GAS7: variants seen among roughly 807,000 people sequenced by gnomAD.
GAS7 encodes growth arrest-specific protein 7.
GAS7 carries 28 observed loss-of-function variants against 71.1 expected under a neutral mutation model. That is an observed-to-expected ratio of 0.39 (90% CI 0.29 to 0.54). GAS7 has a LOEUF of 0.54. Ranked by LOEUF, GAS7 falls within the 20% of genes least tolerant of loss-of-function variation. GAS7 has a pLI of 0.62. For synonymous variants in GAS7, 258 were observed against 245.8 expected, an observed-to-expected ratio of 1.05 and a Z score of -0.46; for missense variants, 436 against 627.8, an observed-to-expected ratio of 0.69 and a Z score of 3.27.
At chr17:9,925,638 C>G (rs376279855) in intron 10 of GAS7, 39 bp from the exon 11 acceptor site, 2 of 1,612,720 alleles carry the variant, frequency 1.2e-6, no homozygotes, top group South Asian at 2.2e-5. Flanking sequence ...TCATACAGCT[C>G]GGAGCCAGTG....
At chr17:10,002,550 T>C (rs1415644514) in intron 2 of GAS7, among the ~76,000 whole-genome samples, 2 of 152,110 alleles carry the variant, frequency 1.3e-5, no homozygotes, top group African/African-American at 4.8e-5. Flanking sequence ...CCTAATGCTA[T>C]CCCTCCCCCG....
intron 11 of GAS7, among the ~76,000 whole-genome samples, chr17:9,923,741 C>T (rs2320264): frequency 0.39 from 59,744 of 152,058 alleles, 11,845 homozygotes; most frequent in Non-Finnish European, 0.42. Context: ...TCCATCAAGA[C>T]GAATAATACC....
Position 10,152,963 on chromosome 17 carries a change from C to T in GAS7, c.183+45245G>A, listed in dbSNP as rs1025049734. On this transcript the variant is annotated intron_variant, in intron 1 of 13. Coordinates refer to ENST00000432992, the MANE Select transcript of GAS7 (RefSeq NM_201433.2). ...CTGTAATACCCAGCACTTTGGGAGG[C>T]GGGTGGATTATCTGAGGTCAGGAAT... Among the ~76,000 whole-genome samples the T allele has an allele frequency of 6.2e-5, 9 of 144,002 alleles. No homozygotes were observed. The South Asian group carries it at 8.8e-4, about 14-fold the overall frequency. The allele number at this position is 144,002 out of a possible 152,430, so 94.5% of individuals were successfully genotyped here. A position where few individuals can be genotyped will look rare whatever the true frequency, so the allele number is the denominator to read the frequency against.
At chr17:10,032,604 A>T (rs1266739966) in intron 1 of GAS7, among the ~76,000 whole-genome samples, 1 of 152,246 alleles carries the variant, frequency 6.6e-6, no homozygotes, top group Non-Finnish European at 1.5e-5. Flanking sequence ...CGGCTTTTGT[A>T]ACACAGCCTA....
At chr17:9,960,590 G>T (rs2069446049) in intron 4 of GAS7, among the ~76,000 whole-genome samples, 1 of 152,224 alleles carries the variant, frequency 6.6e-6, no homozygotes. Flanking sequence ...GGAACCACCG[G>T]CTTGGAGTGG....
chr17:10,002,027 C>G (rs1005471760), intron 2 of GAS7, among the ~76,000 whole-genome samples: 4 of 152,116 alleles, frequency 2.6e-5, no homozygotes, highest in African/African-American at 9.7e-5. Flanking sequence ...CTAGCGGACA[C>G]GATACCACTG....
intron 4 of GAS7, among the ~76,000 whole-genome samples, chr17:9,963,793 A>G (rs553581325): frequency 1.7e-4 from 26 of 152,276 alleles, no homozygotes; most frequent in African/African-American, 6.0e-4. Flanking sequence ...TGGAGTGTAT[A>G]TATTAGGCGG....
At chr17:10,049,496 G>C (rs2073030260) in intron 1 of GAS7, among the ~76,000 whole-genome samples, 1 of 151,456 alleles carries the variant, frequency 6.6e-6, no homozygotes, top group Admixed American at 6.6e-5. Context: ...TTTGTATTGG[G>C]GGATTCTCCG....
chr17:10,017,472 G>T (rs1252179293), intron 2 of GAS7, among the ~76,000 whole-genome samples: 1 of 152,068 alleles, frequency 6.6e-6, no homozygotes, highest in African/African-American at 2.4e-5. Context: ...GGGACTACAG[G>T]CGCCCGCCAC....
At chr17:10,117,689 C>T (rs181737854) in intron 1 of GAS7, among the ~76,000 whole-genome samples, 2 of 152,144 alleles carry the variant, frequency 1.3e-5, no homozygotes, top group African/African-American at 4.8e-5. Context: ...TAAGCAGAAG[C>T]ACGATGTGTT....
intron 1 of GAS7, among the ~76,000 whole-genome samples, chr17:10,053,483 C>T (rs11869823): frequency 0.037 from 5,590 of 152,162 alleles, 259 homozygotes; most frequent in African/African-American, 0.11. Flanking sequence ...CACCCAAGGA[C>T]CCCCAGCGCC....
intron 2 of GAS7, among the ~76,000 whole-genome samples, chr17:10,007,601 G>A (rs1423985002): frequency 2.9e-5 from 4 of 138,524 alleles, no homozygotes; most frequent in Non-Finnish European, 4.5e-5. Flanking sequence ...ACTCCAGCCT[G>A]GGAGACACAG....
intron 2 of GAS7, among the ~76,000 whole-genome samples, chr17:10,005,149 G>A (rs377414626): frequency 0.4 from 35,465 of 88,192 alleles, 6,451 homozygotes; most frequent in African/African-American, 0.55. Context: ...GCGCACGCAT[G>A]CATGCATGTG....
Position 9,919,656 on chromosome 17 carries a change from T to C in GAS7, c.1188A>G (p.Lys396=). Reference sequence around the variant, plus strand: ...TGGTGGTCACCATCTCTTCAAACCATTTGGACTGGGCCTGGTTGTAGAGAT... The same window carrying C: ...TGGTGGTCACCATCTCTTCAAACCACTTGGACTGGGCCTGGTTGTAGAGAT... ...CVDLYNQAQS[K]WFEEMVTTTL... is the part of the protein sequence containing the mutation. Residue 396 remains lysine, a synonymous_variant, in exon 12 of 14, where the codon AAA becomes AAG. Coordinates refer to ENST00000432992, the MANE Select transcript of GAS7 (RefSeq NM_201433.2). The surrounding 1 kb of genome is among the most constrained non-coding windows in gnomAD (Gnocchi z 5.0). The C allele has an allele frequency of 3.7e-6, 6 of 1,613,744 alleles. No individual in the cohort carries two copies. The highest frequency in any genetic ancestry group is 2.2e-5 in the East Asian group (1 of 44,868).
At chr17:10,134,760 C>T (rs928450078) in intron 1 of GAS7, among the ~76,000 whole-genome samples, 6 of 151,970 alleles carry the variant, frequency 3.9e-5, no homozygotes, top group Admixed American at 3.9e-4. Context: ...GCCCTGTGAC[C>T]GCCGCTGCAG....
In GAS7 at chr17:9,926,575, C is replaced by G. The variant is rs993195853; in HGVS notation, c.1014+66G>C. ...GGCGTATGGAGCCACTGCTGGCTTCCCAGTCCCCCTTCTTCCAGGCAGTCC... is the reference window on the plus strand; with the variant it reads ...GGCGTATGGAGCCACTGCTGGCTTCGCAGTCCCCCTTCTTCCAGGCAGTCC... On this transcript the variant is annotated intron_variant, in intron 10 of 13. Transcript: ENST00000432992. This position sits in a 1 kb window ranked among gnomAD's most constrained non-coding sequence, Gnocchi z 5.0. 18 of 1,561,426 alleles carry G rather than the reference C, an allele frequency of 1.2e-5. No homozygotes were observed. The African/African-American group carries it at 2.2e-4, about 19-fold the overall frequency.
chr17:10,181,221 G>A (rs1380917088), intron 1 of GAS7, among the ~76,000 whole-genome samples: 7 of 146,364 alleles, frequency 4.8e-5, no homozygotes, highest in East Asian at 1.9e-4. Flanking sequence ...TTAGCTGGGC[G>A]TGGTGGTGCA....
intron 1 of GAS7, among the ~76,000 whole-genome samples, chr17:10,133,289 A>C (rs905304983): frequency 1.3e-5 from 2 of 151,830 alleles, no homozygotes; most frequent in Non-Finnish European, 2.9e-5. Flanking sequence ...CACCCAGCTA[A>C]ACTTTGTATT....
chr17:9,934,069 G>T, intron 9 of GAS7, 97 bp downstream of exon 9: 1 of 851,184 alleles, frequency 1.2e-6, no homozygotes. Context: ...TTACACCAGG[G>T]AAAATGGCAA....
Sources: allele counts gnomAD v4.1 joint callset (sites outside exome capture counted in the v4.1 genomes callset), GRCh38; gene constraint gnomAD v4.1.1; non-coding constraint Gnocchi (gnomAD v3.1); transcripts MANE v1.5; gene names NCBI Gene and HGNC (gene_info 2026-07-23, HGNC 2026-07-21).